The following POGLUT2 variants were observed in gnomAD, a reference collection of about 807,000 sequenced individuals.
POGLUT2 encodes ER protein 58.
Under a neutral mutation model 57.6 loss-of-function variants are expected in POGLUT2, and 47 were observed. The observed-to-expected ratio is 0.82, with a 90% CI of 0.65 to 1.04. POGLUT2 has a LOEUF of 1.04. POGLUT2 is among the 50% of genes least tolerant of loss of function. The probability of loss-of-function intolerance (pLI) is 0.00; values close to 1 mark genes in which losing one functional copy is unlikely to be tolerated. For synonymous variants in POGLUT2, 200 were observed against 218.8 expected (o/e 0.91, Z 0.76); for missense variants, 565 against 614.8 (o/e 0.92, Z 0.86).
chr13:102,789,983 T>C (rs1878106899), intron 6 of POGLUT2, among the ~76,000 whole-genome samples: 1 of 152,218 alleles, frequency 6.6e-6, no homozygotes, highest in East Asian at 1.9e-4. Context: ...AAAATATTCA[T>C]AGAACTGTGG....
chr13:102,794,113 T>A (rs1231322885), intron 2 of POGLUT2, among the ~76,000 whole-genome samples: 1 of 151,996 alleles, frequency 6.6e-6, no homozygotes, highest in Non-Finnish European at 1.5e-5. Context: ...GGCATGCACC[T>A]GTGGTTTCAG....
At chr13:102,786,140 G>T in intron 9 of POGLUT2, 92 bp downstream of exon 9, 2 of 791,128 alleles carry the variant, frequency 2.5e-6, no homozygotes, top group African/African-American at 1.7e-5. Flanking sequence ...TCAAATATTT[G>T]CTGCCTGATT....
At chr13:102,789,800 G>A (rs1394295586) in intron 6 of POGLUT2, among the ~76,000 whole-genome samples, 1 of 152,188 alleles carries the variant, frequency 6.6e-6, no homozygotes, top group African/African-American at 2.4e-5. Context: ...GTTTCACCAT[G>A]TTGGCCAGGC....
At chr13:102,794,020 C>T (rs919417075) in intron 2 of POGLUT2, among the ~76,000 whole-genome samples, 4 of 151,168 alleles carry the variant, frequency 2.6e-5, no homozygotes, top group African/African-American at 9.7e-5. Flanking sequence ...GGAAGACAGC[C>T]TGAGCCCAGG....
At chr13:102,788,896 C>T (rs1878058590) in intron 7 of POGLUT2, 116 bp downstream of exon 7, 4 of 903,578 alleles carry the variant, frequency 4.4e-6, no homozygotes, top group African/African-American at 1.7e-5. Flanking sequence ...TTCCCATTTA[C>T]AGGCCAAAGT....
intron 4 of POGLUT2, chr13:102,791,925 G>T: frequency 1.8e-6 from 2 of 1,097,926 alleles, no homozygotes; most frequent in Non-Finnish European, 2.5e-6. Context: ...GTTTTATCTA[G>T]TCACAGAAAA....
intron 4 of POGLUT2, among the ~76,000 whole-genome samples, chr13:102,791,830 G>C (rs1878192424): frequency 6.6e-6 from 1 of 152,186 alleles, no homozygotes; most frequent in Non-Finnish European, 1.5e-5. Flanking sequence ...AACTCAGGAA[G>C]CCCAACACCA....
At chr13:102,792,075 A>G in intron 4 of POGLUT2, 1 of 1,287,634 alleles carries the variant, frequency 7.8e-7, no homozygotes, top group Non-Finnish European at 1.0e-6. Context: ...GAGCAAGAGA[A>G]GTATGACGGT....
intron 4 of POGLUT2, chr13:102,792,144 C>T (rs1025682323): frequency 8.4e-6 from 10 of 1,194,416 alleles, no homozygotes; most frequent in African/African-American, 3.2e-5. Context: ...TACCTACATT[C>T]AGAATTAACA....
intron 9 of POGLUT2, among the ~76,000 whole-genome samples, chr13:102,784,840 C>G (rs574362338): frequency 1.3e-5 from 2 of 152,298 alleles, no homozygotes; most frequent in South Asian, 2.1e-4. Flanking sequence ...ACTTCTACTA[C>G]TCAGTGGAAG....
Position 102,798,738 on chromosome 13 carries a change from C to G in POGLUT2, c.-68G>C. The G allele has an allele frequency of 1.4e-6, 2 of 1,426,428 alleles. No individual in the cohort carries two copies. Among genetic ancestry groups the G allele is most frequent in the Non-Finnish European group, 1.9e-6 (2 of 1,079,444 alleles). The allele number at this position is 1,426,428 out of a possible 1,614,324, so 88.4% of individuals were successfully genotyped here. A position where few individuals can be genotyped will look rare whatever the true frequency, so the allele number is the denominator to read the frequency against. Reference sequence around the variant, plus strand: ...AGTGTAAGAGGTGGACAGAAGCAGCCGAGCCTTCGGCAGGGACCCGCCGGC... The same window carrying G: ...AGTGTAAGAGGTGGACAGAAGCAGCGGAGCCTTCGGCAGGGACCCGCCGGC... On this transcript the variant is annotated 5_prime_UTR_variant, in exon 1 of 10. Transcript: ENST00000376004.
At chr13:102,794,536 G>A (rs1269770458) in intron 2 of POGLUT2, among the ~76,000 whole-genome samples, 3 of 152,118 alleles carry the variant, frequency 2.0e-5, no homozygotes, top group Admixed American at 1.3e-4. Context: ...ATGGTGGTGT[G>A]TGCCTGAAAT....
At chr13:102,790,850 G>T in intron 6 of POGLUT2, 51 bp downstream of exon 6, 1 of 1,231,626 alleles carries the variant, frequency 8.1e-7, no homozygotes, top group Non-Finnish European at 1.2e-6. Context: ...AAAGCACTAT[G>T]TACAAATACA....
intron 7 of POGLUT2, among the ~76,000 whole-genome samples, chr13:102,788,338 C>A (rs2139084297): frequency 6.6e-6 from 1 of 152,316 alleles, no homozygotes; most frequent in South Asian, 2.1e-4. Flanking sequence ...CTCATTTTAA[C>A]CTGGAGCCTG....
chr13:102,793,836 A>C, intron 2 of POGLUT2, 30 bp from the exon 3 acceptor site: 2 of 1,575,132 alleles, frequency 1.3e-6, no homozygotes, highest in South Asian at 2.2e-5. Flanking sequence ...AAAGTACAAC[A>C]GTGATCATTT....
At chr13:102,794,553 T>A (rs575254415) in intron 2 of POGLUT2, among the ~76,000 whole-genome samples, 3 of 152,204 alleles carry the variant, frequency 2.0e-5, no homozygotes, top group Admixed American at 1.3e-4. Flanking sequence ...AAATCTCAGC[T>A]ACTCAGGAGG....
In POGLUT2 at chr13:102,798,649, A is replaced by G. The variant is rs140162123; in HGVS notation, c.22T>C (p.Tyr8His). The G allele has an allele frequency of 6.2e-5, 100 of 1,601,960 alleles. No homozygotes were observed. The East Asian group carries it at 1.3e-3, about 21-fold the overall frequency. Residue 8 changes from tyrosine to histidine, a missense_variant, in exon 1 of 10, where the codon TAT becomes CAT. Transcript: ENST00000376004. MFGTLLLYCFFLATVPAL... is the reference protein window; with the variant it reads MFGTLLLHCFFLATVPAL... ...GGAACTGTCGCCAGAAAGAAGCAAT[A>G]AAGTAGCAAAGTGCCAAACATTTAC... is the stretch of plus-strand genomic sequence containing the variant.
At chr13:102,794,565 T>G (rs187783783) in intron 2 of POGLUT2, among the ~76,000 whole-genome samples, 221 of 152,280 alleles carry the variant, frequency 1.5e-3, no homozygotes, top group African/African-American at 5.1e-3. Context: ...CTCAGGAGGC[T>G]GAGGCATGAC....
intron 6 of POGLUT2, among the ~76,000 whole-genome samples, chr13:102,789,690 TG>T (rs1566436212): frequency 6.6e-6 from 1 of 152,212 alleles, no homozygotes; most frequent in African/African-American, 2.4e-5. Flanking sequence ...TTCCACCTCC[TG>T]GGATCAAGTG....
Sources: gnomAD v4.1 joint callset for allele counts (sites outside exome capture counted in the v4.1 genomes callset) on GRCh38, gnomAD v4.1.1 for gene constraint, MANE v1.5 for transcripts, NCBI Gene and HGNC (gene_info 2026-07-23, HGNC 2026-07-21) for gene names.